The following MZT1 variants were observed in gnomAD, a reference collection of about 807,000 sequenced individuals.
MZT1 encodes the protein mitotic-spindle organizing protein 1.
MZT1 carries 8 observed loss-of-function variants against 8.5 expected under a neutral mutation model. The ratio of observed to expected loss-of-function variants is 0.94; its 90% CI spans 0.55 to 1.70. MZT1 has a LOEUF of 1.70. MZT1 is among the 40% of genes most tolerant of loss of function. The probability of loss-of-function intolerance (pLI) is 0.00; values close to 1 mark genes in which losing one functional copy is unlikely to be tolerated. For synonymous variants in MZT1, 38 were observed against 42.0 expected (o/e 0.90, Z 0.37); for missense variants, 93 against 108.6 (o/e 0.86, Z 0.64).
intron 2 of MZT1, among the ~76,000 whole-genome samples, chr13:72,718,655 T>A (rs2032561755): frequency 6.6e-6 from 1 of 152,020 alleles, no homozygotes. Context: ...TTTTTTTGTA[T>A]TTTTAGTAGA....
intron 2 of MZT1, among the ~76,000 whole-genome samples, chr13:72,716,391 T>C (rs897266066): frequency 6.6e-6 from 1 of 152,152 alleles, no homozygotes; most frequent in African/African-American, 2.4e-5. Flanking sequence ...TTATGATACA[T>C]TTTAGCTCTA....
At chr13:72,719,150 T>C in intron 1 of MZT1, 53 bp from the exon 2 acceptor site, 1 of 1,385,502 alleles carries the variant, frequency 7.2e-7, no homozygotes, top group Non-Finnish European at 9.6e-7. Flanking sequence ...CATTTAAAAA[T>C]ATGCATATAG....
chr13:72,724,219 T>C (rs1271327070), intron 1 of MZT1, among the ~76,000 whole-genome samples: 1 of 152,144 alleles, frequency 6.6e-6, no homozygotes, highest in East Asian at 1.9e-4. Flanking sequence ...AAAATCAAAC[T>C]TGCATTTTAA....
At chr13:72,724,723 TATATATATATATATATACAC>T (rs1298783728) in intron 1 of MZT1, among the ~76,000 whole-genome samples, 777 of 29,956 alleles carry the variant, frequency 0.026, 153 homozygotes, top group East Asian at 0.13. Flanking sequence ...TATATACATA[TATATATATATATATATACAC>T]ATATATATAT....
intron 2 of MZT1, among the ~76,000 whole-genome samples, chr13:72,710,925 C>G (rs1295488127): frequency 6.6e-6 from 1 of 152,086 alleles, no homozygotes; most frequent in African/African-American, 2.4e-5. Flanking sequence ...AATTTCTTAA[C>G]ATCAATATAA....
chr13:72,722,617 T>C (rs1334104579), intron 1 of MZT1, among the ~76,000 whole-genome samples: 1 of 152,174 alleles, frequency 6.6e-6, no homozygotes, highest in African/African-American at 2.4e-5. Context: ...GTAGTATTTT[T>C]GGTCCAGATC....
At chr13:72,722,915 A>G (rs2032604571) in intron 1 of MZT1, among the ~76,000 whole-genome samples, 3 of 152,176 alleles carry the variant, frequency 2.0e-5, no homozygotes, top group South Asian at 4.1e-4. Flanking sequence ...AATCTACCAT[A>G]TTGAATCTTC....
intron 2 of MZT1, 128 bp downstream of exon 2, chr13:72,718,824 T>TGG (rs1299578410): frequency 3.4e-6 from 3 of 878,474 alleles, no homozygotes; most frequent in Non-Finnish European, 5.0e-6. Context: ...ATTGAGCTCC[T>TGG]GGTCTTCTAG....
At chr13:72,723,243 C>A (rs1030638096) in intron 1 of MZT1, among the ~76,000 whole-genome samples, 1 of 152,202 alleles carries the variant, frequency 6.6e-6, no homozygotes, top group Non-Finnish European at 1.5e-5. Context: ...TAGTCCATCT[C>A]ATTTGTGGTT....
rs77881183 is a variant in MZT1 at position 72,725,704 on chromosome 13, C to A, written c.79+1820G>T. 5.6e-3 allele frequency among the ~76,000 whole-genome samples: 857 copies of A among 152,112 alleles called. 10 individuals carry two copies. Among genetic ancestry groups the A allele is most frequent in the African/African-American group, 0.019 (791 of 41,520 alleles). On this transcript the variant is annotated intron_variant, in intron 1 of 2. Coordinates refer to ENST00000377818, the MANE Select transcript of MZT1 (RefSeq NM_001071775.3). ...GAAGAGATCTTGATGATGCAGCCAA[C>A]ACAAACCATCAGTTCTCAATTGTAC...
intron 2 of MZT1, among the ~76,000 whole-genome samples, chr13:72,712,874 C>T (rs1049682602): frequency 2.0e-5 from 3 of 152,140 alleles, no homozygotes; most frequent in African/African-American, 7.2e-5. Context: ...CACAGTAAAA[C>T]AAAAACTCTT....
At position 72,727,617 on chromosome 13, in the gene MZT1, G is replaced by T. The variant is rs759104575; in HGVS notation, c.-15C>A. 1 of 1,579,672 alleles carries T rather than the reference G, an allele frequency of 6.3e-7. No individual in the cohort carries two copies. The highest frequency in any genetic ancestry group is 8.6e-7 in the Non-Finnish European group (1 of 1,162,402). On this transcript the variant is annotated 5_prime_UTR_variant, in exon 1 of 3. Coordinates refer to ENST00000377818, the MANE Select transcript of MZT1 (RefSeq NM_001071775.3). The stretch of plus-strand genomic sequence containing the variant: ...CTACTCGCCATGGCTAAGGCCGAGG[G>T]AGGCGGGAGAAGGGCCTGACCCGGA...
intron 2 of MZT1, among the ~76,000 whole-genome samples, chr13:72,712,059 G>C (rs2032493707): frequency 6.6e-6 from 1 of 151,824 alleles, no homozygotes; most frequent in Non-Finnish European, 1.5e-5. Context: ...TGTATTTTCT[G>C]AATTAAATAT....
Position 72,724,752 on chromosome 13 carries a change from A to ATATATCTGTGTGTGTG in MZT1, c.79+2771_79+2772insCACACACACAGATATA, listed in dbSNP as rs1180726488. Among the ~76,000 whole-genome samples the ATATATCTGTGTGTGTG allele has an allele frequency of 3.5e-5, 2 of 56,856 alleles. 1 individual carries two copies. Among genetic ancestry groups the ATATATCTGTGTGTGTG allele is most frequent in the Non-Finnish European group, 7.5e-5 (2 of 26,838 alleles). The allele number at this position is 56,856 out of a possible 152,430, so 37.3% of individuals were successfully genotyped here. A position where few individuals can be genotyped will look rare whatever the true frequency, so the allele number is the denominator to read the frequency against. ...TATATATATATATACACATATATAT[A>ATATATCTGTGTGTGTG]TGTAAAGTGGTGCTACAGGCCGGGC... On this transcript the variant is annotated intron_variant, in intron 1 of 2. Coordinates refer to ENST00000377818, the MANE Select transcript of MZT1 (RefSeq NM_001071775.3).
chr13:72,716,675 T>G (rs145994800), intron 2 of MZT1, among the ~76,000 whole-genome samples: 1 of 152,302 alleles, frequency 6.6e-6, no homozygotes, highest in East Asian at 1.9e-4. Flanking sequence ...AACTTAAAGT[T>G]TCAGTATTCA....
intron 1 of MZT1, among the ~76,000 whole-genome samples, chr13:72,720,440 A>G (rs1324961540): frequency 6.6e-6 from 1 of 152,222 alleles, no homozygotes; most frequent in East Asian, 1.9e-4. Flanking sequence ...TATAAAAACT[A>G]CATTATTATT....
At chr13:72,724,733 TATATATACAC>T (rs1308312964) in intron 1 of MZT1, among the ~76,000 whole-genome samples, 2,161 of 36,810 alleles carry the variant, frequency 0.059, 329 homozygotes, top group Non-Finnish European at 0.15. Flanking sequence ...TATATATATA[TATATATACAC>T]ATATATATAT....
chr13:72,715,996 C>A (rs1048503024), intron 2 of MZT1, among the ~76,000 whole-genome samples: 2 of 152,040 alleles, frequency 1.3e-5, no homozygotes, highest in Non-Finnish European at 1.5e-5. Flanking sequence ...TGGCTCACTG[C>A]CACCTCCGCC....
chr13:72,724,758 A>ATGTGTGTGT (rs2032629354), intron 1 of MZT1, among the ~76,000 whole-genome samples: 1 of 86,632 alleles, frequency 1.2e-5, no homozygotes, highest in African/African-American at 3.5e-5. Flanking sequence ...ATATATGTAA[A>ATGTGTGTGT]GTGGTGCTAC....
Sources: gnomAD v4.1 joint callset for allele counts (sites outside exome capture counted in the v4.1 genomes callset) on GRCh38, gnomAD v4.1.1 for gene constraint, MANE v1.5 for transcripts, NCBI Gene and HGNC (gene_info 2026-07-23, HGNC 2026-07-21) for gene names.